TEX10: variants seen among roughly 807,000 people sequenced by gnomAD.
TEX10 encodes the protein testis-expressed protein 10.
In TEX10, 24 loss-of-function variants were observed where a neutral mutation model predicts 104.4. That is an observed-to-expected ratio of 0.23 (90% CI 0.17 to 0.32). TEX10 has a LOEUF of 0.32. Ranked by LOEUF, TEX10 falls within the 10% of genes least tolerant of loss-of-function variation. TEX10 has a pLI of 1.00. For missense variants in TEX10, 921 were observed against 1,083.9 expected (o/e 0.85, Z 2.11); for synonymous variants, 396 against 393.4 (o/e 1.01, Z -0.08).
At position 100,325,385 on chromosome 9, in the gene TEX10, T is replaced by C. The variant is rs1029524778; in HGVS notation, c.1979+917A>G. ...TCAGAGTAAAATGGCACAGCCGCTATGGAAAATGGCATGTAGTGCTAGCTA... is the reference window on the plus strand; with the variant it reads ...TCAGAGTAAAATGGCACAGCCGCTACGGAAAATGGCATGTAGTGCTAGCTA... On this transcript the variant is annotated intron_variant, in intron 9 of 14. Transcript: ENST00000374902. Among the ~76,000 whole-genome samples, 15 of 152,258 alleles carry C rather than the reference T, an allele frequency of 9.9e-5. No individual in the cohort carries two copies. In the South Asian group the frequency reaches 1.0e-3, roughly 11 times the overall value.
Position 100,302,111 on chromosome 9 carries a change from A to C in TEX10, c.*80T>G, listed in dbSNP as rs1278950241. On this transcript the variant is annotated 3_prime_UTR_variant, in exon 15 of 15. Coordinates refer to ENST00000374902, the MANE Select transcript of TEX10 (RefSeq NM_017746.4). Reference sequence around the variant, plus strand: ...CTTTAAAAGTTCAGCTTTAATGACAAAGATCTATTACATCAGTCTTTTTCT... The same window carrying C: ...CTTTAAAAGTTCAGCTTTAATGACACAGATCTATTACATCAGTCTTTTTCT... 1.2e-6 allele frequency: 1 copy of C among 825,926 alleles called. No individual in the cohort carries two copies. Among genetic ancestry groups the C allele is most frequent in the African/African-American group, 1.7e-5 (1 of 58,528 alleles). The allele number at this position is 825,926 out of a possible 1,614,324, so 51.2% of individuals were successfully genotyped here.
chr9:100,336,735 GA>G (rs1389047171), intron 5 of TEX10, among the ~76,000 whole-genome samples: 11 of 152,182 alleles, frequency 7.2e-5, no homozygotes, highest in African/African-American at 2.7e-4. Context: ...TGTTTTCCAT[GA>G]AACTAGTCCC....
intron 4 of TEX10, among the ~76,000 whole-genome samples, chr9:100,343,950 G>A (rs957770356): frequency 1.3e-5 from 2 of 152,142 alleles, no homozygotes; most frequent in African/African-American, 2.4e-5. Context: ...TTCAAGACCA[G>A]AATGTGCATT....
Position 100,303,842 on chromosome 9 carries a change from C to G in TEX10, c.2466G>C (p.Arg822Ser). ...AGACACAGACCCCCCACAGCTTGTC[C>G]CTACAATAACAGAGACAGAAATGAG... is the stretch of plus-strand genomic sequence containing the variant. The part of the protein sequence containing the change: ...EKGEAEHLRK[R>S]DKLWGVCVSI... The change falls in exon 14 of 15, where the codon AGG becomes AGC. Residue 822 changes from arginine (R) to serine (S), a missense_variant and splice_region_variant. Transcript: ENST00000374902. The G allele has an allele frequency of 6.2e-7, 1 of 1,613,692 alleles. No homozygotes were observed. The highest frequency in any genetic ancestry group is 8.5e-7 in the Non-Finnish European group (1 of 1,179,936).
chr9:100,337,781 CAA>C (rs1835048770), intron 5 of TEX10, among the ~76,000 whole-genome samples: 2 of 152,312 alleles, frequency 1.3e-5, no homozygotes, highest in South Asian at 4.1e-4. Flanking sequence ...CCTCTAGTTA[CAA>C]AAGTCTCATC....
At chr9:100,329,648 A>G (rs1834803052) in intron 6 of TEX10, among the ~76,000 whole-genome samples, 1 of 152,210 alleles carries the variant, frequency 6.6e-6, no homozygotes, top group Non-Finnish European at 1.5e-5. Context: ...GGGAAGATTC[A>G]TGCCATATCA....
chr9:100,321,639 T>C (rs1300556263), intron 10 of TEX10, 44 bp downstream of exon 10: 3 of 1,445,458 alleles, frequency 2.1e-6, no homozygotes, highest in Non-Finnish European at 2.9e-6. Flanking sequence ...TTGTGATTCA[T>C]ATTAGGTTTT....
At chr9:100,344,824 C>A (rs1185982718) in intron 4 of TEX10, among the ~76,000 whole-genome samples, 1 of 152,084 alleles carries the variant, frequency 6.6e-6, no homozygotes, top group Non-Finnish European at 1.5e-5. Flanking sequence ...CCAGCCTAGG[C>A]AACAAGAGCG....
intron 11 of TEX10, among the ~76,000 whole-genome samples, chr9:100,312,369 GC>G (rs947987590): frequency 6.6e-6 from 1 of 152,156 alleles, no homozygotes; most frequent in African/African-American, 2.4e-5. Flanking sequence ...AGGGGTGGCA[GC>G]AAAGGAAGAC....
At chr9:100,303,958 T>A in intron 13 of TEX10, 116 bp from the exon 14 acceptor site, 1 of 1,001,114 alleles carries the variant, frequency 1.0e-6, no homozygotes, top group Non-Finnish European at 1.5e-6. Flanking sequence ...CAATAACATT[T>A]AAACTGAGAG....
intron 4 of TEX10, among the ~76,000 whole-genome samples, chr9:100,342,169 T>C (rs1372949617): frequency 3.3e-5 from 5 of 152,244 alleles, no homozygotes; most frequent in Non-Finnish European, 7.3e-5. Flanking sequence ...CCCACAGATG[T>C]TGACAAGACT....
chr9:100,344,460 C>T (rs1277544133), intron 4 of TEX10, among the ~76,000 whole-genome samples: 1 of 152,184 alleles, frequency 6.6e-6, no homozygotes, highest in African/African-American at 2.4e-5. Context: ...AATACAAATG[C>T]TACTAACAAA....
intron 9 of TEX10, among the ~76,000 whole-genome samples, chr9:100,323,434 C>T (rs915805683): frequency 2.0e-5 from 3 of 152,140 alleles, no homozygotes; most frequent in Non-Finnish European, 4.4e-5. Context: ...TTTTACCTAA[C>T]ACCACGGAGC....
intron 13 of TEX10, chr9:100,305,589 AG>A (rs1834124002): frequency 6.6e-6 from 1 of 152,118 alleles, no homozygotes; most frequent in African/African-American, 2.4e-5. Context: ...TCTTAATTTG[AG>A]TGGATTTCAA....
chr9:100,339,070 AT>A, intron 5 of TEX10, among the ~76,000 whole-genome samples: 1 of 151,396 alleles, frequency 6.6e-6, no homozygotes, highest in Non-Finnish European at 1.5e-5. Context: ...CCTGGCCAAT[AT>A]GGTGAAACCC....
At position 100,330,101 on chromosome 9, in the gene TEX10, A is replaced by G. The variant is rs370935363; in HGVS notation, c.1319T>C (p.Ile440Thr). 11 of 1,614,020 alleles carry G rather than the reference A, an allele frequency of 6.8e-6. No individual in the cohort carries two copies. In the Admixed American group the frequency reaches 1.8e-4, roughly 27 times the overall value. ...HLLLNLTLSDIMVSLANASTL... is the reference protein window; with the variant it reads ...HLLLNLTLSDTMVSLANASTL... ...TGACGCATTTGCCAGGGAGACCATGATATCAGACAGTGTTAAATTCAGTAA... is the reference window on the plus strand; with the variant it reads ...TGACGCATTTGCCAGGGAGACCATGGTATCAGACAGTGTTAAATTCAGTAA... The change falls in exon 6 of 15, where the codon ATC becomes ACC. Residue 440 changes from isoleucine (I) to threonine (T), a missense_variant. Ile to Thr is a moderately conservative substitution (Grantham distance 89, BLOSUM62 -1). Transcript: ENST00000374902.
chr9:100,302,675 A>G (rs1362113535), intron 14 of TEX10, among the ~76,000 whole-genome samples: 1 of 151,986 alleles, frequency 6.6e-6, no homozygotes, highest in Non-Finnish European at 1.5e-5. Context: ...GCCAACCAAC[A>G]ATTTCTGTCA....
At chr9:100,314,556 G>A (rs1834366319) in intron 11 of TEX10, among the ~76,000 whole-genome samples, 3 of 152,092 alleles carry the variant, frequency 2.0e-5, no homozygotes, top group Non-Finnish European at 2.9e-5. Flanking sequence ...AGTCTTTGTG[G>A]TATCAGTTGT....
intron 5 of TEX10, among the ~76,000 whole-genome samples, chr9:100,339,595 C>T (rs916503193): frequency 6.6e-6 from 1 of 151,966 alleles, no homozygotes; most frequent in Admixed American, 6.6e-5. Flanking sequence ...CTAATGTATT[C>T]CCTTTGATAA....
Sources: allele counts gnomAD v4.1 joint callset (sites outside exome capture counted in the v4.1 genomes callset), GRCh38; gene constraint gnomAD v4.1.1; transcripts MANE v1.5; gene names NCBI Gene and HGNC (gene_info 2026-07-23, HGNC 2026-07-21).